Variants in EYS observed in about 807,000 individuals in gnomAD.
EYS encodes protein eyes shut homolog.
EYS carries 250 observed loss-of-function variants against 282.1 expected under a neutral mutation model. That is an observed-to-expected ratio of 0.89 (90% CI 0.80 to 0.98). EYS has a LOEUF of 0.98. Among genes scored for constraint, EYS ranks in the 50% least tolerant of loss-of-function variants. EYS has a pLI of 0.00. For missense variants in EYS, 4,016 were observed against 3,709.0 expected (o/e 1.08, Z -2.15); for synonymous variants, 1,355 against 1,282.9 (o/e 1.06, Z -1.20).
At chr6:65,609,284 C>G (rs537096783) in intron 2 of EYS, among the ~76,000 whole-genome samples, 1 of 150,366 alleles carries the variant, frequency 6.7e-6, no homozygotes, top group African/African-American at 2.5e-5. Flanking sequence ...TGTGGTCCAT[C>G]CTTGACTGAA....
At chr6:64,490,029 A>T (rs1261607532) in intron 26 of EYS, among the ~76,000 whole-genome samples, 1 of 150,872 alleles carries the variant, frequency 6.6e-6, no homozygotes, top group African/African-American at 2.4e-5. Flanking sequence ...TTTAGTTCTC[A>T]GCGAATTTTA....
At position 64,702,591 on chromosome 6, in the gene EYS, A is replaced by G. The variant is rs144709715; in HGVS notation, c.3444-76346T>C. ...TGTACCACCTCAAATAACATCTGTT[A>G]ATAAGTTCTCCTGTGTAATAACTGC... On this transcript the variant is annotated intron_variant, in intron 22 of 42. Transcript: ENST00000503581. 4.5e-3 allele frequency among the ~76,000 whole-genome samples: 692 copies of G among 152,260 alleles called. 5 individuals carry two copies. Among genetic ancestry groups the G allele is most frequent in the African/African-American group, 0.016 (645 of 41,572 alleles).
At chr6:65,564,633 T>C (rs1437232979) in intron 2 of EYS, among the ~76,000 whole-genome samples, 2 of 152,106 alleles carry the variant, frequency 1.3e-5, no homozygotes, top group East Asian at 3.9e-4. Context: ...TCAAGATGGA[T>C]TAAAGCTTTT....
At chr6:63,947,424 T>C (rs1211301285) in intron 35 of EYS, among the ~76,000 whole-genome samples, 1 of 152,070 alleles carries the variant, frequency 6.6e-6, no homozygotes, top group Non-Finnish European at 1.5e-5. Context: ...TTTATATTAT[T>C]ACTCCTTAAA....
intron 12 of EYS, among the ~76,000 whole-genome samples, chr6:65,078,291 A>G (rs879290944): frequency 5.3e-5 from 8 of 152,148 alleles, no homozygotes; most frequent in Non-Finnish European, 1.2e-4. Flanking sequence ...TTGAGACATT[A>G]AGTATGATCA....
At chr6:63,800,911 G>A (rs1185950026) in intron 37 of EYS, among the ~76,000 whole-genome samples, 1 of 152,228 alleles carries the variant, frequency 6.6e-6, no homozygotes, top group African/African-American at 2.4e-5. Flanking sequence ...TGAAGCATGG[G>A]TGGCTCAGGA....
intron 28 of EYS, among the ~76,000 whole-genome samples, chr6:64,416,324 C>G (rs1289574866): frequency 6.6e-6 from 1 of 152,122 alleles, no homozygotes; most frequent in African/African-American, 2.4e-5. Flanking sequence ...AATTCTGATG[C>G]TTAAAGTAAT....
intron 31 of EYS, among the ~76,000 whole-genome samples, chr6:64,123,915 G>A (rs1425117655): frequency 6.6e-6 from 1 of 151,976 alleles, no homozygotes; most frequent in Non-Finnish European, 1.5e-5. Context: ...TCTTTCCTTG[G>A]GCTCAGTACA....
At chr6:65,037,596 G>A (rs1180496664) in intron 13 of EYS, among the ~76,000 whole-genome samples, 1 of 151,548 alleles carries the variant, frequency 6.6e-6, no homozygotes, top group Non-Finnish European at 1.5e-5. Context: ...GTAACAATAC[G>A]ATATTTATAC....
At chr6:65,152,568 A>G (rs1434650118) in intron 12 of EYS, among the ~76,000 whole-genome samples, 1 of 151,896 alleles carries the variant, frequency 6.6e-6, no homozygotes, top group Non-Finnish European at 1.5e-5. Context: ...AGAAAAAAAT[A>G]AACCTGCCAT....
chr6:65,040,296 T>C (rs879844858), intron 13 of EYS, among the ~76,000 whole-genome samples: 6 of 151,738 alleles, frequency 4.0e-5, no homozygotes, highest in Admixed American at 4.0e-4. Flanking sequence ...AGAGAATCTC[T>C]TCCATGTTCC....
At chr6:64,796,666 C>T (rs1474632138) in intron 22 of EYS, among the ~76,000 whole-genome samples, 1 of 152,110 alleles carries the variant, frequency 6.6e-6, no homozygotes, top group Non-Finnish European at 1.5e-5. Context: ...ATCCAAACTT[C>T]CATATTTGGT....
chr6:64,104,805 C>A (rs1427561676), intron 31 of EYS, among the ~76,000 whole-genome samples: 1 of 147,348 alleles, frequency 6.8e-6, no homozygotes, highest in African/African-American at 2.5e-5. Context: ...TATTTTGCAG[C>A]ATTCCCACTA....
In EYS at chr6:64,722,407, G is replaced by C. The variant is rs1771613901; in HGVS notation, c.3443+90971C>G. On this transcript the variant is annotated intron_variant, in intron 22 of 42. Transcript: ENST00000503581. ...AACAGAGTATGGGAAATGGTCAGTA[G>C]TGTTAGCAGACTTGATAAAACGAAG... Among the ~76,000 whole-genome samples the C allele has an allele frequency of 2.0e-5, 3 of 151,864 alleles. No homozygotes were observed. The South Asian group carries it at 6.2e-4, about 31-fold the overall frequency.
At chr6:65,421,981 G>T (rs1454031720) in intron 5 of EYS, among the ~76,000 whole-genome samples, 1 of 151,900 alleles carries the variant, frequency 6.6e-6, no homozygotes, top group Non-Finnish European at 1.5e-5. Context: ...AATATTGTGA[G>T]AATTACCAAA....
At chr6:65,215,942 C>T (rs1295558527) in intron 12 of EYS, among the ~76,000 whole-genome samples, 2 of 152,120 alleles carry the variant, frequency 1.3e-5, no homozygotes. Flanking sequence ...GTGGACTTAA[C>T]AGAATATAGT....
intron 30 of EYS, among the ~76,000 whole-genome samples, chr6:64,276,371 A>C (rs1439437069): frequency 1.3e-5 from 2 of 152,228 alleles, no homozygotes; most frequent in Non-Finnish European, 2.9e-5. Context: ...AAATCTGTTT[A>C]CATTTTCTTC....
At chr6:65,695,750 A>T (rs1769428695) in intron 1 of EYS, among the ~76,000 whole-genome samples, 1 of 151,856 alleles carries the variant, frequency 6.6e-6, no homozygotes, top group African/African-American at 2.4e-5. Flanking sequence ...CAAAAAGTTG[A>T]TTTTTTTGTT....
At chr6:65,489,220 T>G (rs1765930421) in intron 5 of EYS, 1 of 152,142 alleles carries the variant, frequency 6.6e-6, no homozygotes, top group Non-Finnish European at 1.5e-5. Flanking sequence ...AATTTTGCAA[T>G]CTATCCATCT....
Sources: allele counts gnomAD v4.1 joint callset (sites outside exome capture counted in the v4.1 genomes callset), GRCh38; gene constraint gnomAD v4.1.1; transcripts MANE v1.5; gene names NCBI Gene and HGNC (gene_info 2026-07-23, HGNC 2026-07-21).